The following MME variants were observed in gnomAD, a reference collection of about 807,000 sequenced individuals.
MME encodes the protein neprilysin.
MME carries 98 observed loss-of-function variants against 113.2 expected under a neutral mutation model. The observed-to-expected ratio is 0.87, with a 90% confidence interval of 0.74 to 1.02. MME has a LOEUF of 1.02. Among genes scored for constraint, MME ranks in the 50% least tolerant of loss-of-function variants. The pLI, the probability that MME is intolerant of heterozygous loss-of-function variation, is 0.00. For synonymous variants in MME, 292 were observed against 300.6 expected (o/e 0.97, Z 0.30); for missense variants, 836 against 896.0 (o/e 0.93, Z 0.86).
chr3:155,028,711 TG>T (rs1712866112), intron 1 of MME, among the ~76,000 whole-genome samples: 1 of 152,210 alleles, frequency 6.6e-6, no homozygotes, highest in Non-Finnish European at 1.5e-5. Context: ...AAATGATTTT[TG>T]GTAGCATTAC....
intron 12 of MME, 141 bp from the exon 13 acceptor site, chr3:155,143,302 A>G (rs61758199): frequency 6.2e-6 from 6 of 968,056 alleles, no homozygotes; most frequent in South Asian, 1.3e-5. Context: ...ACATTTCATC[A>G]TAGGCTAGGA....
chr3:155,163,996 T>G (rs1161503379), intron 17 of MME, among the ~76,000 whole-genome samples: 1 of 151,794 alleles, frequency 6.6e-6, no homozygotes, highest in Non-Finnish European at 1.5e-5. Flanking sequence ...TACAAAAAAT[T>G]AACTGGGCAT....
chr3:155,088,173 A>T (rs997189345), intron 3 of MME, among the ~76,000 whole-genome samples: 1 of 151,812 alleles, frequency 6.6e-6, no homozygotes, highest in Non-Finnish European at 1.5e-5. Context: ...ACCCTCATGG[A>T]TACACTCTGC....
intron 3 of MME, among the ~76,000 whole-genome samples, chr3:155,094,485 A>G (rs1716554798): frequency 6.6e-6 from 1 of 152,214 alleles, no homozygotes; most frequent in South Asian, 2.1e-4. Flanking sequence ...GCACTATTTA[A>G]AATTTTTTAT....
intron 1 of MME, among the ~76,000 whole-genome samples, chr3:155,055,274 A>G (rs938968347): frequency 1.3e-5 from 2 of 152,212 alleles, no homozygotes; most frequent in Admixed American, 6.5e-5. Flanking sequence ...TCTCACAAAC[A>G]TAATATTGAG....
chr3:155,027,520 C>T (rs1401204981), intron 1 of MME, among the ~76,000 whole-genome samples: 1 of 152,214 alleles, frequency 6.6e-6, no homozygotes, highest in Non-Finnish European at 1.5e-5. Flanking sequence ...TGCCAGGGCC[C>T]TTCTGGGCCT....
intron 14 of MME, among the ~76,000 whole-genome samples, chr3:155,145,299 G>A (rs3821719): frequency 0.12 from 18,663 of 152,056 alleles, 1,276 homozygotes; most frequent in Non-Finnish European, 0.16. Flanking sequence ...TTCCAAAGTG[G>A]TGTCACAAAA....
At chr3:155,087,489 T>C (rs1217246850) in intron 3 of MME, among the ~76,000 whole-genome samples, 1 of 152,150 alleles carries the variant, frequency 6.6e-6, no homozygotes, top group Admixed American at 6.5e-5. Context: ...AAAGTCAGCA[T>C]GTGCCCAAGT....
chr3:155,056,715 A>G (rs1268881485), intron 1 of MME, among the ~76,000 whole-genome samples: 1 of 152,110 alleles, frequency 6.6e-6, no homozygotes, highest in East Asian at 1.9e-4. Context: ...GCTGGGTCAA[A>G]TGGTATTTCT....
intron 16 of MME, 24 bp downstream of exon 16, chr3:155,148,677 G>A (rs776597456): frequency 6.6e-7 from 1 of 1,516,516 alleles, no homozygotes; most frequent in South Asian, 1.1e-5. Context: ...CATTTCTAAT[G>A]TGATCATCTA....
upstream of MME, among the ~76,000 whole-genome samples, chr3:155,075,865 G>A (rs772755472): frequency 6.6e-6 from 1 of 152,110 alleles, no homozygotes; most frequent in Non-Finnish European, 1.5e-5. Flanking sequence ...AACTCTCCCA[G>A]CTTACACACC....
chr3:155,097,052 C>A (rs557204664), intron 3 of MME, among the ~76,000 whole-genome samples: 11 of 152,264 alleles, frequency 7.2e-5, no homozygotes, highest in African/African-American at 2.6e-4. Flanking sequence ...AAGTTTCTGG[C>A]TTGGTAAATT....
intron 1 of MME, among the ~76,000 whole-genome samples, chr3:155,031,650 G>T (rs2108114009): frequency 6.6e-6 from 1 of 152,130 alleles, no homozygotes; most frequent in East Asian, 1.9e-4. Context: ...TTTGCTTTTT[G>T]TTTGTTTTGT....
At chr3:155,064,266 G>C (rs1389268876) in intron 1 of MME, among the ~76,000 whole-genome samples, 1 of 152,092 alleles carries the variant, frequency 6.6e-6, no homozygotes, top group East Asian at 1.9e-4. Context: ...TTCAGCCTGG[G>C]CAACAGAGTG....
At chr3:155,076,989 C>T (rs1714769400), upstream of MME, among the ~76,000 whole-genome samples, 1 of 152,152 alleles carries the variant, frequency 6.6e-6, no homozygotes, top group African/African-American at 2.4e-5. Context: ...GTTTCATCAG[C>T]ACAGTCTTTC....
chr3:155,026,864 T>C (rs559303350), intron 1 of MME, among the ~76,000 whole-genome samples: 85 of 152,342 alleles, frequency 5.6e-4, no homozygotes, highest in African/African-American at 1.9e-3. Flanking sequence ...AGCAGGTTGA[T>C]GATGTTTCCT....
chr3:155,131,057 T>C (rs1313049027), intron 8 of MME, among the ~76,000 whole-genome samples: 11 of 151,966 alleles, frequency 7.2e-5, no homozygotes, highest in Non-Finnish European at 1.5e-4. Flanking sequence ...TAAATCAAGG[T>C]GATAGAATAA....
chr3:155,144,462 A>C lies in MME; in HGVS notation c.1416+5A>C. On this transcript the variant is annotated splice_donor_5th_base_variant and intron_variant, in intron 14 of 22. Transcript: ENST00000360490. Reference sequence around the variant, plus strand: ...AAAAAGAGAGCTGAAGAAAAGGTAAAGAGCAGACAGCTAACTAGCAAAGAA... The same window carrying C: ...AAAAAGAGAGCTGAAGAAAAGGTAACGAGCAGACAGCTAACTAGCAAAGAA... The C allele has an allele frequency of 6.3e-7, 1 of 1,580,728 alleles. No homozygotes were observed. Among genetic ancestry groups the C allele is most frequent in the South Asian group, 1.1e-5 (1 of 90,334 alleles).
intron 3 of MME, among the ~76,000 whole-genome samples, chr3:155,100,043 T>G (rs1717070859): frequency 1.3e-5 from 2 of 152,052 alleles, no homozygotes; most frequent in Admixed American, 6.6e-5. Flanking sequence ...AAGCCAAAAT[T>G]GACAAATGGG....
Sources: gnomAD v4.1 joint callset for allele counts (sites outside exome capture counted in the v4.1 genomes callset) on GRCh38, gnomAD v4.1.1 for gene constraint, MANE v1.5 for transcripts, NCBI Gene and HGNC (gene_info 2026-07-23, HGNC 2026-07-21) for gene names.